The following ASTN2 variants were observed in gnomAD, a reference collection of about 807,000 sequenced individuals.
ASTN2 encodes the protein astrotactin 2, also known as astrotactin-2.
A neutral mutation model predicts 139.8 loss-of-function variants in ASTN2; 54 were observed. That is an observed-to-expected ratio of 0.39 (90% confidence interval 0.31 to 0.48). The LOEUF is 0.48. Among genes scored for constraint, ASTN2 ranks in the 20% least tolerant of loss-of-function variants. The pLI is 0.95. For synonymous variants in ASTN2, 756 were observed against 719.5 expected (o/e 1.05, Z -0.81); for missense variants, 1,565 against 1,725.1 (o/e 0.91, Z 1.64).
intron 13 of ASTN2, among the ~76,000 whole-genome samples, chr9:116,803,968 G>C (rs574514261): frequency 1.3e-5 from 2 of 151,838 alleles, no homozygotes; most frequent in African/African-American, 2.4e-5. Context: ...TGCCTGGCTC[G>C]GAGCTTTTCC....
intron 1 of ASTN2, among the ~76,000 whole-genome samples, chr9:117,386,118 T>G (rs1295305291): frequency 1.3e-5 from 2 of 152,030 alleles, no homozygotes; most frequent in Non-Finnish European, 2.9e-5. Flanking sequence ...GCTGTCACTC[T>G]TTGACAAAGA....
At chr9:116,788,137 TG>T (rs1260476536) in intron 13 of ASTN2, among the ~76,000 whole-genome samples, 1 of 152,076 alleles carries the variant, frequency 6.6e-6, no homozygotes, top group Non-Finnish European at 1.5e-5. Context: ...GAGAGTAGAA[TG>T]GTGGTTATCA....
chr9:117,352,867 T>A (rs980380197), intron 1 of ASTN2, among the ~76,000 whole-genome samples: 2 of 152,202 alleles, frequency 1.3e-5, no homozygotes, highest in East Asian at 1.9e-4. Flanking sequence ...TGCCTCATCA[T>A]GGATGAAGCT....
chr9:117,066,728 G>C (rs915873799), intron 5 of ASTN2, among the ~76,000 whole-genome samples: 1 of 152,136 alleles, frequency 6.6e-6, no homozygotes, highest in African/African-American at 2.4e-5. Flanking sequence ...GTGTGAGATG[G>C]TTTTGATTTG....
intron 19 of ASTN2, chr9:116,613,687 C>T (rs1434008937): frequency 6.6e-6 from 1 of 151,974 alleles, no homozygotes; most frequent in Non-Finnish European, 1.5e-5. Flanking sequence ...GCTTCATGCT[C>T]AAAACTCTCA....
At chr9:116,638,535 C>CAAA (rs35046233) in intron 17 of ASTN2, among the ~76,000 whole-genome samples, 1 of 146,888 alleles carries the variant, frequency 6.8e-6, no homozygotes, top group African/African-American at 2.5e-5. Flanking sequence ...GGGGAATTGC[C>CAAA]AAAAAAAAAA....
Position 116,958,305 on chromosome 9 carries a change from C to T in ASTN2, c.1889+16903G>A, listed in dbSNP as rs373071079. 6.6e-5 allele frequency among the ~76,000 whole-genome samples: 10 copies of T among 152,148 alleles called. 1 individual carries two copies. Among genetic ancestry groups the T allele is most frequent in the African/African-American group, 2.4e-4 (10 of 41,552 alleles). On this transcript the variant is annotated intron_variant, in intron 10 of 22. Coordinates refer to ENST00000313400, the MANE Select transcript of ASTN2 (RefSeq NM_001365068.1). ...CCACTCACTTAAACTAAAGAGCCAACACTGGCCGGGCGTGGTGGCTCACGC... is the reference window on the plus strand; with the variant it reads ...CCACTCACTTAAACTAAAGAGCCAATACTGGCCGGGCGTGGTGGCTCACGC...
chr9:117,105,143 GTC>G (rs1829072498), intron 4 of ASTN2, among the ~76,000 whole-genome samples: 1 of 152,134 alleles, frequency 6.6e-6, no homozygotes, highest in South Asian at 2.1e-4. Flanking sequence ...CAAAGGCAGA[GTC>G]TCATTTCCCT....
At chr9:116,612,453 T>C (rs576251425) in intron 19 of ASTN2, 4 of 152,288 alleles carry the variant, frequency 2.6e-5, no homozygotes, top group Admixed American at 6.5e-5. Flanking sequence ...TATTCCAAAA[T>C]TGATCACACA....
At chr9:117,278,394 C>A (rs932562772) in intron 2 of ASTN2, among the ~76,000 whole-genome samples, 3 of 152,220 alleles carry the variant, frequency 2.0e-5, no homozygotes, top group East Asian at 1.9e-4. Flanking sequence ...CAGGCACACA[C>A]AAACAACACA....
At chr9:116,616,724 G>C (rs1855874165) in intron 19 of ASTN2, among the ~76,000 whole-genome samples, 1 of 151,696 alleles carries the variant, frequency 6.6e-6, no homozygotes, top group Non-Finnish European at 1.5e-5. Context: ...ATTTCCCTTG[G>C]TTATCTGTGG....
At chr9:116,961,175 C>T (rs1410809466) in intron 10 of ASTN2, among the ~76,000 whole-genome samples, 1 of 150,566 alleles carries the variant, frequency 6.6e-6, no homozygotes. Flanking sequence ...TTATTTCTTC[C>T]CCCCACCCAG....
At chr9:117,090,895 C>A (rs1828689448) in intron 5 of ASTN2, among the ~76,000 whole-genome samples, 1 of 152,238 alleles carries the variant, frequency 6.6e-6, no homozygotes, top group African/African-American at 2.4e-5. Flanking sequence ...TCCTCCATGC[C>A]CCACTCCCAC....
chr9:116,727,526 G>A (rs12554458), intron 15 of ASTN2, among the ~76,000 whole-genome samples: 60,975 of 139,372 alleles, frequency 0.44, 12,591 homozygotes, highest in Non-Finnish European at 0.49. Context: ...GGGTGTGGGG[G>A]GCAGAAAACA....
At chr9:116,480,070 AAG>A (rs1208959930) in intron 20 of ASTN2, among the ~76,000 whole-genome samples, 1 of 151,950 alleles carries the variant, frequency 6.6e-6, no homozygotes, top group Non-Finnish European at 1.5e-5. Flanking sequence ...AAGAAAGAAA[AAG>A]AGAGAGAGGG....
intron 5 of ASTN2, among the ~76,000 whole-genome samples, chr9:117,071,032 G>C (rs1339045195): frequency 6.7e-6 from 1 of 149,092 alleles, no homozygotes; most frequent in African/African-American, 2.5e-5. Flanking sequence ...TCTCCATCCA[G>C]CTTTGTTCTG....
At position 116,543,555 on chromosome 9, in the gene ASTN2, C is replaced by G. The variant is rs186931901; in HGVS notation, c.3356-56055G>C. 4.6e-5 allele frequency: 7 copies of G among 152,252 alleles called. No homozygotes were observed. In the East Asian group the frequency reaches 1.4e-3, roughly 29 times the overall value. The allele number at this position is 152,252 out of a possible 1,614,324, so 9.4% of individuals were successfully genotyped here. On this transcript the variant is annotated intron_variant, in intron 19 of 22. Transcript: ENST00000313400. ...CATTCATTAAAAAACAGGAGTTCCACAAGGTAAAATAACTCACTGCTGTGC... is the reference window on the plus strand; with the variant it reads ...CATTCATTAAAAAACAGGAGTTCCAGAAGGTAAAATAACTCACTGCTGTGC...
At chr9:116,979,730 C>T (rs1484788171) in intron 7 of ASTN2, among the ~76,000 whole-genome samples, 1 of 152,000 alleles carries the variant, frequency 6.6e-6, no homozygotes, top group Non-Finnish European at 1.5e-5. Flanking sequence ...AGCAGGAAGT[C>T]AGGCTGGGGT....
At chr9:117,149,633 A>G (rs1346509497) in intron 3 of ASTN2, among the ~76,000 whole-genome samples, 1 of 152,146 alleles carries the variant, frequency 6.6e-6, no homozygotes, top group Non-Finnish European at 1.5e-5. Context: ...TGCAAAAAAA[A>G]CCATCCAATT....
Sources: gnomAD v4.1 joint callset for allele counts (sites outside exome capture counted in the v4.1 genomes callset) on GRCh38, gnomAD v4.1.1 for gene constraint, MANE v1.5 for transcripts, NCBI Gene and HGNC (gene_info 2026-07-23, HGNC 2026-07-21) for gene names.